The following KAZN variants were observed in gnomAD, a reference collection of about 807,000 sequenced individuals.
The protein encoded by KAZN is kazrin, periplakin interacting protein.
A neutral mutation model predicts 87.4 loss-of-function variants in KAZN; 40 were observed. That is an observed-to-expected ratio of 0.46 (90% CI 0.36 to 0.60). The LOEUF (loss-of-function observed/expected upper bound fraction) is 0.60. Ranked by LOEUF, KAZN falls within the 20% of genes least tolerant of loss-of-function variation. The probability of loss-of-function intolerance (pLI) is 0.00; values close to 1 mark genes in which losing one functional copy is unlikely to be tolerated. For synonymous variants in KAZN, 466 were observed against 458.3 expected (o/e 1.02, Z -0.22); for missense variants, 898 against 1,073.9 (o/e 0.84, Z 2.29).
In KAZN at chr1:15,099,656, A is replaced by C. The variant is rs1394192710; in HGVS notation, c.1548-1887A>C. On this transcript the variant is annotated intron_variant, in intron 10 of 14. Transcript: ENST00000376030. The surrounding 1 kb of genome is among the most constrained non-coding windows in gnomAD (Gnocchi z 5.4). ...GGGCCAGTGCAGGTGACCCTTGTGG[A>C]CCATTCAAAGGACTTGCGATTTTAC... is the stretch of plus-strand genomic sequence containing the variant. Among the ~76,000 whole-genome samples, 1 of 152,148 alleles carries C rather than the reference A, an allele frequency of 6.6e-6. No individual in the cohort carries two copies. Among genetic ancestry groups the C allele is most frequent in the African/African-American group, 2.4e-5 (1 of 41,420 alleles).
intron 2 of KAZN, among the ~76,000 whole-genome samples, chr1:14,213,273 T>C (rs1237122407): frequency 1.3e-5 from 2 of 152,224 alleles, no homozygotes; most frequent in East Asian, 3.8e-4. Context: ...CTGTTCTCAC[T>C]GGGTCATGCA....
chr1:14,108,150 C>G (rs575711478), intron 1 of KAZN, among the ~76,000 whole-genome samples: 1 of 151,954 alleles, frequency 6.6e-6, no homozygotes, highest in Admixed American at 6.6e-5. Context: ...TTTTTGTACC[C>G]CAAACTCCTC....
At chr1:14,501,112 TAAATAAATAA>T (rs1670221784) in intron 2 of KAZN, among the ~76,000 whole-genome samples, 2 of 147,074 alleles carry the variant, frequency 1.4e-5, no homozygotes, top group Non-Finnish European at 3.0e-5. Flanking sequence ...AATAAATAAA[TAAATAAATAA>T]ATAAATAAAA....
At position 15,017,633 on chromosome 1, in the gene KAZN, G is replaced by A. The variant is rs11801139; in HGVS notation, c.419-17116G>A. On this transcript the variant is annotated intron_variant, in intron 2 of 14. Transcript: ENST00000376030. ...AGCCTGGCCAACAGGGTGAAACCCC[G>A]TCTCTACTAAAAATACAAAAAGTAG... Among the ~76,000 whole-genome samples, 85 of 152,202 alleles carry A rather than the reference G, an allele frequency of 5.6e-4. 1 individual carries two copies. Among genetic ancestry groups the A allele is most frequent in the Admixed American group, 2.5e-3 (38 of 15,294 alleles).
At chr1:14,400,105 G>C (rs113326146) in intron 2 of KAZN, among the ~76,000 whole-genome samples, 56 of 152,216 alleles carry the variant, frequency 3.7e-4, no homozygotes, top group African/African-American at 1.3e-3. Context: ...GTGACCACTG[G>C]ACATACTGAA....
intron 2 of KAZN, among the ~76,000 whole-genome samples, chr1:14,452,090 C>A (rs1312524652): frequency 3.3e-5 from 5 of 152,182 alleles, no homozygotes; most frequent in Admixed American, 2.6e-4. Flanking sequence ...CAGACACGCC[C>A]CACCATGCCT....
intron 1 of KAZN, among the ~76,000 whole-genome samples, chr1:14,775,737 G>A (rs942446716): frequency 6.6e-6 from 1 of 152,246 alleles, no homozygotes; most frequent in Non-Finnish European, 1.5e-5. Context: ...TCTTGAAGCA[G>A]GAGAAAGGGG....
At chr1:14,020,133 C>T (rs988918978) in intron 1 of KAZN, among the ~76,000 whole-genome samples, 4 of 151,920 alleles carry the variant, frequency 2.6e-5, no homozygotes, top group African/African-American at 9.7e-5. Flanking sequence ...GTAGGATTTG[C>T]ACTTCTGTGA....
intron 2 of KAZN, among the ~76,000 whole-genome samples, chr1:14,570,880 C>T (rs945140441): frequency 1.3e-5 from 2 of 152,130 alleles, no homozygotes; most frequent in African/African-American, 4.8e-5. Context: ...TTCACTATAC[C>T]TCTGTTTCAA....
chr1:14,161,155 G>A (rs7523961), intron 1 of KAZN, among the ~76,000 whole-genome samples: 26,552 of 152,236 alleles, frequency 0.17, 2,897 homozygotes, highest in East Asian at 0.33. Context: ...CAAAATCAAA[G>A]TGGTGGACTA....
chr1:14,366,177 C>T (rs7538154), intron 2 of KAZN, among the ~76,000 whole-genome samples: 124,066 of 152,242 alleles, frequency 0.81, 51,281 homozygotes, highest in Middle Eastern at 0.87. Flanking sequence ...GGAAAGTTAG[C>T]AGAGAAGATA....
intron 1 of KAZN, among the ~76,000 whole-genome samples, chr1:13,958,092 T>C (rs1333323078): frequency 1.3e-5 from 2 of 152,220 alleles, no homozygotes; most frequent in Non-Finnish European, 2.9e-5. Flanking sequence ...GCATTTACCA[T>C]GTGCTGGGCA....
intron 2 of KAZN, among the ~76,000 whole-genome samples, chr1:14,185,349 CA>C (rs1366023074): frequency 6.6e-6 from 1 of 152,144 alleles, no homozygotes; most frequent in Non-Finnish European, 1.5e-5. Flanking sequence ...ACCAGCTTTC[CA>C]CCTTGTAAAA....
intron 8 of KAZN, among the ~76,000 whole-genome samples, chr1:15,086,230 C>G (rs1302804270): frequency 6.6e-6 from 1 of 152,126 alleles, no homozygotes; most frequent in Non-Finnish European, 1.5e-5. Context: ...CTCGGCCTCC[C>G]AAAGTGCTGG....
chr1:14,283,295 C>T (rs1261621609), intron 2 of KAZN, among the ~76,000 whole-genome samples: 1 of 152,156 alleles, frequency 6.6e-6, no homozygotes, highest in Non-Finnish European at 1.5e-5. Context: ...TCCTGCTTGT[C>T]ACAGCAGAAA....
At chr1:14,340,905 T>TTTTTTTTTTTTA (rs1657657396) in intron 2 of KAZN, among the ~76,000 whole-genome samples, 1 of 147,688 alleles carries the variant, frequency 6.8e-6, no homozygotes, top group Non-Finnish European at 1.5e-5. Flanking sequence ...TTTTTTTTTT[T>TTTTTTTTTTTTA]GAGATGGAGT....
At chr1:15,089,732 CAAAAAAAAAAAAAAAA>C (rs56260619) in intron 8 of KAZN, among the ~76,000 whole-genome samples, 3 of 68,910 alleles carry the variant, frequency 4.4e-5, no homozygotes, top group South Asian at 4.6e-4. Context: ...CTTTTATTGG[CAAAAAAAAAAAAAAAA>C]AAAAAAAAAA....
intron 1 of KAZN, among the ~76,000 whole-genome samples, chr1:14,110,241 C>T (rs1008481221): frequency 5.9e-5 from 9 of 152,224 alleles, no homozygotes; most frequent in Admixed American, 3.9e-4. Context: ...TTCAGGCTTG[C>T]AGAACATGAG....
At chr1:14,782,296 T>G (rs1055823376) in intron 1 of KAZN, among the ~76,000 whole-genome samples, 8 of 151,900 alleles carry the variant, frequency 5.3e-5, no homozygotes, top group Admixed American at 2.0e-4. Flanking sequence ...CCTGTAATCC[T>G]AGCACTTTGA....
Sources: allele counts gnomAD v4.1 joint callset (sites outside exome capture counted in the v4.1 genomes callset), GRCh38; gene constraint gnomAD v4.1.1; non-coding constraint Gnocchi (gnomAD v3.1); transcripts MANE v1.5; gene names NCBI Gene and HGNC (gene_info 2026-07-23, HGNC 2026-07-21).